Variants in GPHN observed in about 807,000 individuals in gnomAD.
GPHN encodes gephyrin.
GPHN carries 17 observed loss-of-function variants against 95.5 expected under a neutral mutation model. That is an observed-to-expected ratio of 0.18 (90% CI 0.12 to 0.27). The LOEUF is 0.27. Among genes scored for constraint, GPHN ranks in the 10% least tolerant of loss-of-function variants. The pLI is 1.00. For missense variants in GPHN, 660 were observed against 978.1 expected (o/e 0.67, Z 4.34); for synonymous variants, 320 against 322.5 (o/e 0.99, Z 0.08).
chr14:66,798,336 T>G (rs527442455), intron 3 of GPHN, among the ~76,000 whole-genome samples: 48 of 151,914 alleles, frequency 3.2e-4, no homozygotes, highest in Non-Finnish European at 4.4e-4. Flanking sequence ...CCTCACACAA[T>G]GAATTTAGAA....
At chr14:67,272,741 C>G in the GPHN span, among the ~76,000 whole-genome samples, 469 of 152,348 alleles carry the variant, frequency 3.1e-3, 7 homozygotes, top group East Asian at 0.016. Context: ...TCACTACAAC[C>G]TCTGCCTCCT....
the GPHN span, among the ~76,000 whole-genome samples, chr14:67,537,606 C>T: frequency 1.3e-5 from 2 of 151,496 alleles, no homozygotes; most frequent in African/African-American, 2.4e-5. Context: ...GTTGTGGCTT[C>T]AGTGAACCAT....
the GPHN span, among the ~76,000 whole-genome samples, chr14:67,368,074 GA>G: frequency 6.6e-6 from 1 of 152,186 alleles, no homozygotes; most frequent in African/African-American, 2.4e-5. Flanking sequence ...TTGCCTGAGA[GA>G]AGGGGGCTTG....
the GPHN span, chr14:67,316,979 A>G: frequency 3.6e-6 from 4 of 1,113,892 alleles, no homozygotes; most frequent in African/African-American, 6.3e-5. Context: ...TCTGCATATT[A>G]GAACCGTGAA....
chr14:66,877,851 G>T (rs2063740590), intron 4 of GPHN, among the ~76,000 whole-genome samples: 1 of 152,128 alleles, frequency 6.6e-6, no homozygotes. Flanking sequence ...AGCTACCACT[G>T]ACTTTCTTCA....
chr14:66,891,793 A>T (rs2064522150), intron 5 of GPHN, among the ~76,000 whole-genome samples: 1 of 152,008 alleles, frequency 6.6e-6, no homozygotes, highest in African/African-American at 2.4e-5. Flanking sequence ...TCAATAAAGA[A>T]AATGCTATTT....
At chr14:67,631,762 T>A in the GPHN span, among the ~76,000 whole-genome samples, 1 of 152,178 alleles carries the variant, frequency 6.6e-6, no homozygotes, top group Non-Finnish European at 1.5e-5. Flanking sequence ...ACTTCTTACA[T>A]GTCAGTGTTC....
At chr14:67,017,253 A>G (rs2073365964) in intron 9 of GPHN, among the ~76,000 whole-genome samples, 1 of 152,156 alleles carries the variant, frequency 6.6e-6, no homozygotes, top group Non-Finnish European at 1.5e-5. Flanking sequence ...CCAAAAAGTG[A>G]TGCATGAATG....
chr14:66,966,565 A>G (rs1433085268), intron 9 of GPHN, among the ~76,000 whole-genome samples: 1 of 152,064 alleles, frequency 6.6e-6, no homozygotes, highest in African/African-American at 2.4e-5. Flanking sequence ...CCTGAATTAG[A>G]TGGAAGAATC....
intron 1 of GPHN, among the ~76,000 whole-genome samples, chr14:66,554,171 G>A (rs773565466): frequency 6.6e-6 from 1 of 151,986 alleles, no homozygotes; most frequent in Non-Finnish European, 1.5e-5. Flanking sequence ...AAAATAGCAT[G>A]GACTTATTTG....
chr14:66,952,460 T>A (rs1305140684), intron 8 of GPHN, among the ~76,000 whole-genome samples: 1 of 152,228 alleles, frequency 6.6e-6, no homozygotes, highest in Non-Finnish European at 1.5e-5. Context: ...TGTGTGTACT[T>A]TTTGATTATT....
chr14:67,386,316 CAA>C, the GPHN span: 1 of 152,346 alleles, frequency 6.6e-6, no homozygotes, highest in Non-Finnish European at 1.5e-5. Flanking sequence ...ACACGACTAA[CAA>C]GGGACAGTTC....
chr14:67,617,883 GC>G, the GPHN span, among the ~76,000 whole-genome samples: 1 of 152,154 alleles, frequency 6.6e-6, no homozygotes, highest in Admixed American at 6.5e-5. Flanking sequence ...ACCATGCCCA[GC>G]TTTTTGTATT....
intron 9 of GPHN, among the ~76,000 whole-genome samples, chr14:66,976,057 C>A (rs1036443106): frequency 6.6e-6 from 1 of 152,096 alleles, no homozygotes; most frequent in East Asian, 1.9e-4. Context: ...TTATTAATCT[C>A]CAATTAATAC....
the GPHN span, chr14:67,208,284 T>C: frequency 6.2e-7 from 1 of 1,613,982 alleles, no homozygotes; most frequent in Non-Finnish European, 8.5e-7. Context: ...TCAAAACATG[T>C]CACCATCTCA....
At chr14:66,606,465 T>G (rs911319949) in intron 1 of GPHN, among the ~76,000 whole-genome samples, 4 of 152,182 alleles carry the variant, frequency 2.6e-5, no homozygotes, top group Admixed American at 2.6e-4. Flanking sequence ...TGGGATCTGC[T>G]TTTGTTCCAT....
At chr14:66,605,413 A>T (rs1595194611) in intron 1 of GPHN, among the ~76,000 whole-genome samples, 1 of 151,402 alleles carries the variant, frequency 6.6e-6, no homozygotes, top group East Asian at 1.9e-4. Context: ...AAGATGGTAT[A>T]TTGTTGTAGT....
At chr14:67,153,803 T>A (rs1342492567) in intron 18 of GPHN, among the ~76,000 whole-genome samples, 4 of 152,186 alleles carry the variant, frequency 2.6e-5, no homozygotes, top group African/African-American at 9.7e-5. Context: ...TTCATTTTTC[T>A]TCTTCTCATA....
At chr14:66,721,984 A>T (rs1476127512) in intron 2 of GPHN, among the ~76,000 whole-genome samples, 1 of 151,244 alleles carries the variant, frequency 6.6e-6, no homozygotes, top group Non-Finnish European at 1.5e-5. Context: ...AAAAAAAAGA[A>T]TTTGATTTAA....
Sources: gnomAD v4.1 joint callset for allele counts (sites outside exome capture counted in the v4.1 genomes callset) on GRCh38, gnomAD v4.1.1 for gene constraint, MANE v1.5 for transcripts, NCBI Gene and HGNC (gene_info 2026-07-23, HGNC 2026-07-21) for gene names.